ACVR1C: variants seen among roughly 807,000 people sequenced by gnomAD.
ACVR1C encodes activin A receptor type 1C.
In ACVR1C, 23 loss-of-function variants were observed where a neutral mutation model predicts 57.9. The observed-to-expected ratio is 0.40, with a 90% confidence interval of 0.29 to 0.56. The LOEUF (loss-of-function observed/expected upper bound fraction) is 0.56. ACVR1C is among the 20% of genes least tolerant of loss of function. The pLI, the probability that ACVR1C is intolerant of heterozygous loss-of-function variation, is 0.50. For synonymous variants in ACVR1C, 214 were observed against 215.3 expected, an observed-to-expected ratio of 0.99 and a Z score of 0.05; for missense variants, 480 against 607.9, an observed-to-expected ratio of 0.79 and a Z score of 2.21.
In ACVR1C at chr2:157,556,347, A is replaced by G. The variant is rs1688099997; in HGVS notation, c.305-15T>C. On this transcript the variant is annotated splice_polypyrimidine_tract_variant and intron_variant, in intron 2 of 8. Coordinates refer to ENST00000243349, the MANE Select transcript of ACVR1C (RefSeq NM_145259.3). ...ATTTGGTGATGCTACAGTTTAAAGA[A>G]GAAAGAACATGACCATAAATCAAAC... 6.2e-7 allele frequency: 1 copy of G among 1,611,946 alleles called. No individual in the cohort carries two copies. The highest frequency in any genetic ancestry group is 1.3e-5 in the African/African-American group (1 of 74,900).
At chr2:157,588,882 T>TATAC (rs1165852661) in intron 1 of ACVR1C, among the ~76,000 whole-genome samples, 1 of 135,142 alleles carries the variant, frequency 7.4e-6, no homozygotes, top group African/African-American at 2.7e-5. Context: ...TATATATACG[T>TATAC]GTGTGTGTAT....
Position 157,550,385 on chromosome 2 carries a change from A to C in ACVR1C, c.552T>G (p.Pro184=), listed in dbSNP as rs1320007205. The change falls in exon 4 of 9, where the codon CCT becomes CCG. Residue 184 remains proline (P), a synonymous_variant. Transcript: ENST00000243349. The stretch of plus-strand genomic sequence containing the variant: ...TTGCAATTGTCCTTTGAACCAACAG[A>C]GGTAGACCTAACCAAAGAAAAGATG... The part of the protein sequence containing the change: ...VTASGSGSGL[P]LLVQRTIART... The C allele has an allele frequency of 1.2e-5, 20 of 1,613,594 alleles. No homozygotes were observed. The highest frequency in any genetic ancestry group is 1.7e-5 in the Non-Finnish European group (20 of 1,179,610).
intron 2 of ACVR1C, 48 bp downstream of exon 2, chr2:157,587,139 T>G: frequency 6.8e-7 from 1 of 1,473,810 alleles, no homozygotes; most frequent in Non-Finnish European, 9.5e-7. Context: ...TCTTATAGTT[T>G]CCCAAGAGTA....
In ACVR1C at chr2:157,587,341, G is replaced by A. The variant is rs1688950561; in HGVS notation, c.150C>T (p.Val50=). Residue 50 remains valine, a synonymous_variant, in exon 2 of 9, where the codon GTC becomes GTT. Transcript: ENST00000243349. ...CCTGCTCTTTTCCATTGGTTAGCAT[G>A]ACTGATGCCCAACATGCTCCTTCTG... ...CQTEGACWAS[V]MLTNGKEQVI... is the part of the protein sequence containing the mutation. 3 of 1,613,556 alleles carry A rather than the reference G, an allele frequency of 1.9e-6. No individual in the cohort carries two copies. Among genetic ancestry groups the A allele is most frequent in the Non-Finnish European group, 2.5e-6 (3 of 1,179,652 alleles).
At chr2:157,622,928 T>C (rs1261573970) in intron 1 of ACVR1C, among the ~76,000 whole-genome samples, 1 of 151,796 alleles carries the variant, frequency 6.6e-6, no homozygotes, top group Non-Finnish European at 1.5e-5. Flanking sequence ...AATCTAATAA[T>C]CCAATAAAAA....
intron 2 of ACVR1C, among the ~76,000 whole-genome samples, chr2:157,568,142 T>G (rs1319663080): frequency 6.5e-5 from 7 of 107,772 alleles, no homozygotes; most frequent in South Asian, 4.4e-4. Context: ...AATAAAATAC[T>G]TTATAGACAA....
rs370934009 is a variant in ACVR1C at position 157,534,882 on chromosome 2, G to A, written c.1357-839C>T. ...TTTCAGATCAAGATGCCAGCCAGGC[G>A]CAGTGTCTCATGCCTGTAATTCTAG... On this transcript the variant is annotated intron_variant, in intron 8 of 8. Transcript: ENST00000243349. Among the ~76,000 whole-genome samples the A allele has an allele frequency of 1.2e-4, 18 of 152,220 alleles. 1 individual carries two copies. In the East Asian group the frequency reaches 2.1e-3, roughly 18 times the overall value.
chr2:157,552,833 T>C (rs1687954021), intron 3 of ACVR1C, among the ~76,000 whole-genome samples: 1 of 152,236 alleles, frequency 6.6e-6, no homozygotes, highest in Non-Finnish European at 1.5e-5. Context: ...GTTATGCACC[T>C]AGACATTTCA....
Position 157,546,889 on chromosome 2 carries a change from C to T in ACVR1C, c.776-2277G>A, listed in dbSNP as rs558221188. 7.4e-4 allele frequency among the ~76,000 whole-genome samples: 113 copies of T among 151,860 alleles called. 1 individual carries two copies. The highest frequency in any genetic ancestry group is 2.6e-3 in the African/African-American group (107 of 41,380). On this transcript the variant is annotated intron_variant, in intron 4 of 8. Transcript: ENST00000243349. Reference sequence around the variant, plus strand: ...TGTGCAGGTTAGTTACATATGTAGACATGTGCCATGCTGGTGCGCTGCACC... The same window carrying T: ...TGTGCAGGTTAGTTACATATGTAGATATGTGCCATGCTGGTGCGCTGCACC...
intron 4 of ACVR1C, 105 bp from the exon 5 acceptor site, chr2:157,544,717 T>A: frequency 1.1e-6 from 1 of 949,256 alleles, no homozygotes; most frequent in African/African-American, 1.7e-5. Context: ...AAAGCAAAGT[T>A]AATTGCTTCA....
At chr2:157,547,048 A>G (rs1293031688) in intron 4 of ACVR1C, among the ~76,000 whole-genome samples, 1 of 134,342 alleles carries the variant, frequency 7.4e-6, no homozygotes, top group Non-Finnish European at 1.5e-5. Flanking sequence ...ATTCCCACCT[A>G]TGAGTGAGAA....
intron 2 of ACVR1C, among the ~76,000 whole-genome samples, chr2:157,559,485 GT>G (rs1244547873): frequency 6.6e-6 from 1 of 152,056 alleles, no homozygotes; most frequent in East Asian, 1.9e-4. Context: ...CTAAGAATAC[GT>G]TTCAATAATC....
At chr2:157,550,016 A>C in intron 4 of ACVR1C, 146 bp downstream of exon 4, 1 of 747,514 alleles carries the variant, frequency 1.3e-6, no homozygotes, top group Non-Finnish European at 2.1e-6. Context: ...AAAAAAAAAA[A>C]AGAAAGAAAA....
At chr2:157,561,023 A>G (rs1349963936) in intron 2 of ACVR1C, among the ~76,000 whole-genome samples, 1 of 152,216 alleles carries the variant, frequency 6.6e-6, no homozygotes, top group East Asian at 1.9e-4. Context: ...CCCTCTGAGA[A>G]TAGAGGGAGT....
chr2:157,607,998 T>G (rs189936202), intron 1 of ACVR1C, among the ~76,000 whole-genome samples: 1 of 152,024 alleles, frequency 6.6e-6, no homozygotes, highest in East Asian at 1.9e-4. Flanking sequence ...CTGACTTCTG[T>G]GGCTGGGGCT....
Position 157,529,535 on chromosome 2 carries a change from A to G in ACVR1C, c.*4383T>C, listed in dbSNP as rs895332857. Reference sequence around the variant, plus strand: ...ATGGCAGGGAACAGTGCTGGGTGTCACCACCAGGCTTTCATAAGAGTTCTG... The same window carrying G: ...ATGGCAGGGAACAGTGCTGGGTGTCGCCACCAGGCTTTCATAAGAGTTCTG... On this transcript the variant is annotated 3_prime_UTR_variant, in exon 9 of 9. Transcript: ENST00000243349. 1.5e-4 allele frequency: 23 copies of G among 152,078 alleles called. No individual in the cohort carries two copies. The highest frequency in any genetic ancestry group is 5.1e-4 in the African/African-American group (21 of 41,428). The allele number at this position is 152,078 out of a possible 1,614,324, so 9.4% of individuals were successfully genotyped here. A position where few individuals can be genotyped will look rare whatever the true frequency, so the allele number is the denominator to read the frequency against.
chr2:157,596,191 G>A (rs1682103658), intron 1 of ACVR1C, among the ~76,000 whole-genome samples: 1 of 152,214 alleles, frequency 6.6e-6, no homozygotes, highest in Admixed American at 6.5e-5. Context: ...CAATTTGAAA[G>A]AGGTTTTTAT....
At chr2:157,555,150 C>T (rs1416079066) in intron 3 of ACVR1C, among the ~76,000 whole-genome samples, 9 of 110,994 alleles carry the variant, frequency 8.1e-5, no homozygotes, top group Non-Finnish European at 9.8e-5. Context: ...CTCGCTCTGT[C>T]ACCCAGGCCG....
At chr2:157,553,905 A>G (rs1041497365) in intron 3 of ACVR1C, among the ~76,000 whole-genome samples, 13 of 151,920 alleles carry the variant, frequency 8.6e-5, no homozygotes, top group Non-Finnish European at 1.9e-4. Flanking sequence ...AAATGTGGCC[A>G]GGTGCAGTGG....
Sources: gnomAD v4.1 joint callset for allele counts (sites outside exome capture counted in the v4.1 genomes callset) on GRCh38, gnomAD v4.1.1 for gene constraint, MANE v1.5 for transcripts, NCBI Gene and HGNC (gene_info 2026-07-23, HGNC 2026-07-21) for gene names.